Variants in CFAP299 observed in about 807,000 individuals in gnomAD.
CFAP299 encodes cilia and flagella associated protein 299.
Under a neutral mutation model 27.0 loss-of-function variants are expected in CFAP299, and 21 were observed. The ratio of observed to expected loss-of-function variants is 0.78; its 90% CI spans 0.55 to 1.12. CFAP299 has a LOEUF of 1.12. Among genes scored for constraint, CFAP299 ranks in the 50% most tolerant of loss-of-function variants. CFAP299 has a pLI of 0.00. For synonymous variants in CFAP299, 104 were observed against 98.1 expected (o/e 1.06, Z -0.36); for missense variants, 310 against 276.6 (o/e 1.12, Z -0.86).
At chr4:80,458,959 CT>C (rs201022257) in intron 2 of CFAP299, among the ~76,000 whole-genome samples, 100 of 151,264 alleles carry the variant, frequency 6.6e-4, no homozygotes, top group African/African-American at 2.2e-3. Flanking sequence ...GATGGGACTT[CT>C]TTTTTTTTAA....
rs1180304258 is a variant in CFAP299 at position 80,507,482 on chromosome 4, A to T, written c.243-75611A>T. On this transcript the variant is annotated intron_variant, in intron 2 of 5. Coordinates refer to ENST00000358105, the MANE Select transcript of CFAP299 (RefSeq NM_152770.3). ...CAAAGTGATACATTTGGAGTGTCAC[A>T]TTAATTTTATAAGACTAGGTTTAGA... 2.6e-5 allele frequency among the ~76,000 whole-genome samples: 4 copies of T among 152,204 alleles called. No individual in the cohort carries two copies. In the East Asian group the frequency reaches 7.7e-4, roughly 29 times the overall value.
At chr4:80,493,985 C>A (rs1243307652) in intron 2 of CFAP299, among the ~76,000 whole-genome samples, 1 of 151,732 alleles carries the variant, frequency 6.6e-6, no homozygotes, top group Non-Finnish European at 1.5e-5. Flanking sequence ...CCTTGTTAGC[C>A]AGGATGGTCT....
intron 2 of CFAP299, among the ~76,000 whole-genome samples, chr4:80,518,455 C>T (rs1051105551): frequency 2.6e-5 from 4 of 152,064 alleles, no homozygotes; most frequent in African/African-American, 4.8e-5. Context: ...ATTACACTTG[C>T]GAGTTCCGTA....
chr4:80,847,270 T>A (rs760927549), intron 3 of CFAP299, among the ~76,000 whole-genome samples: 5 of 152,212 alleles, frequency 3.3e-5, no homozygotes, highest in Non-Finnish European at 5.9e-5. Context: ...CAGTGGGATA[T>A]GGCCAGTATA....
At chr4:80,793,593 C>T (rs1206450377) in intron 3 of CFAP299, among the ~76,000 whole-genome samples, 1 of 152,096 alleles carries the variant, frequency 6.6e-6, no homozygotes, top group Non-Finnish European at 1.5e-5. Context: ...ATAATAAGGT[C>T]ATAATTTCAT....
chr4:80,636,172 C>G (rs1049043353), intron 3 of CFAP299, among the ~76,000 whole-genome samples: 2 of 152,074 alleles, frequency 1.3e-5, no homozygotes, highest in South Asian at 2.1e-4. Flanking sequence ...TTTAGAAGTA[C>G]AGACAGGGAT....
chr4:80,557,211 C>G (rs771802279), intron 2 of CFAP299, among the ~76,000 whole-genome samples: 1 of 152,034 alleles, frequency 6.6e-6, no homozygotes, highest in Non-Finnish European at 1.5e-5. Flanking sequence ...CCTTGTAACT[C>G]AAAATTGGCT....
chr4:80,689,566 T>C (rs4577570), intron 3 of CFAP299, among the ~76,000 whole-genome samples: 141,844 of 152,274 alleles, frequency 0.93, 66,141 homozygotes, highest in East Asian at 1. Flanking sequence ...AAGGAACAAC[T>C]GGTACCAGCC....
rs574418448 is a variant in CFAP299 at position 80,562,693 on chromosome 4, T to TAATAAC, written c.243-20398_243-20397insTAACAA. 3.4e-3 allele frequency among the ~76,000 whole-genome samples: 436 copies of TAATAAC among 128,580 alleles called. 2 individuals are homozygous for TAATAAC. The highest frequency in any genetic ancestry group is 5.4e-3 in the African/African-American group (174 of 32,492). The allele number at this position is 128,580 out of a possible 152,430, so 84.4% of individuals were successfully genotyped here. On this transcript the variant is annotated intron_variant, in intron 2 of 5. Transcript: ENST00000358105. ...ATAATAATAATAATAATAATAATAA[T>TAATAAC]AACAACAACAACATTGAATGTATAA...
chr4:80,918,241 C>G (rs974482543), intron 4 of CFAP299, among the ~76,000 whole-genome samples: 4 of 152,088 alleles, frequency 2.6e-5, no homozygotes, highest in African/African-American at 9.7e-5. Context: ...AAGCATTTTG[C>G]TTATATCTCT....
intron 5 of CFAP299, among the ~76,000 whole-genome samples, chr4:80,958,827 G>T (rs768400816): frequency 3.9e-5 from 6 of 152,118 alleles, no homozygotes; most frequent in Non-Finnish European, 5.9e-5. Flanking sequence ...CAGCTTTGAG[G>T]TGTCAATACT....
chr4:80,642,728 C>T (rs1477026306), intron 3 of CFAP299, among the ~76,000 whole-genome samples: 2 of 152,140 alleles, frequency 1.3e-5, no homozygotes, highest in Admixed American at 6.5e-5. Flanking sequence ...CACACCACTG[C>T]ACTCCAGCCT....
chr4:80,682,134 C>T (rs1174748525), intron 3 of CFAP299, among the ~76,000 whole-genome samples: 1 of 152,168 alleles, frequency 6.6e-6, no homozygotes, highest in Non-Finnish European at 1.5e-5. Flanking sequence ...GATCTGCCCG[C>T]TTTTTCTCTG....
chr4:80,562,296 C>A lies in CFAP299; in HGVS notation c.243-20797C>A, dbSNP rs112190575. 7.2e-5 allele frequency among the ~76,000 whole-genome samples: 11 copies of A among 151,964 alleles called. No homozygotes were observed. The South Asian group carries it at 8.3e-4, about 11-fold the overall frequency. ...ACAACATGGCAGGAATAAGTCCTTACGTATCAATAATAACATTGAGGCTGG... is the reference window on the plus strand; with the variant it reads ...ACAACATGGCAGGAATAAGTCCTTAAGTATCAATAATAACATTGAGGCTGG... On this transcript the variant is annotated intron_variant, in intron 2 of 5. Transcript: ENST00000358105.
At chr4:80,834,830 A>G (rs1269932228) in intron 3 of CFAP299, among the ~76,000 whole-genome samples, 2 of 152,170 alleles carry the variant, frequency 1.3e-5, no homozygotes, top group East Asian at 3.9e-4. Context: ...AGAGACTTGC[A>G]CCGCTGGACA....
intron 5 of CFAP299, among the ~76,000 whole-genome samples, chr4:80,958,166 T>C (rs1216101958): frequency 2.0e-5 from 3 of 152,124 alleles, no homozygotes; most frequent in Non-Finnish European, 4.4e-5. Flanking sequence ...CCCAAATACC[T>C]TAAGATAACT....
intron 2 of CFAP299, among the ~76,000 whole-genome samples, chr4:80,393,025 GGATGAGACTTGGAGAGGGAAGACAGT>G (rs1367343167): frequency 2.6e-5 from 4 of 152,110 alleles, no homozygotes; most frequent in Non-Finnish European, 5.9e-5. Flanking sequence ...CTTTCCAGTG[GGATGAGACTTGGAGAGGGAAGACAGT>G]GATATTGATG....
At chr4:80,363,006 C>T in intron 2 of CFAP299, 122 bp downstream of exon 2, 1 of 1,114,900 alleles carries the variant, frequency 9.0e-7, no homozygotes, top group Non-Finnish European at 1.2e-6. Context: ...TTGGAATATC[C>T]TAAGCATTTG....
chr4:80,327,456 G>T, the CFAP299 span, among the ~76,000 whole-genome samples: 4 of 151,842 alleles, frequency 2.6e-5, no homozygotes, highest in African/African-American at 9.7e-5. Flanking sequence ...GGAAGTCAAT[G>T]AGGATTTAAA....
Sources: gnomAD v4.1 joint callset for allele counts (sites outside exome capture counted in the v4.1 genomes callset) on GRCh38, gnomAD v4.1.1 for gene constraint, MANE v1.5 for transcripts, NCBI Gene and HGNC (gene_info 2026-07-23, HGNC 2026-07-21) for gene names.